The following ATG10 variants were observed in gnomAD, a reference collection of about 807,000 sequenced individuals.
ATG10 encodes autophagy related 10, also known as ubiquitin-like-conjugating enzyme ATG10.
ATG10 carries 30 observed loss-of-function variants against 32.1 expected under a neutral mutation model. The ratio of observed to expected loss-of-function variants is 0.94; its 90% CI spans 0.70 to 1.27. The LOEUF (loss-of-function observed/expected upper bound fraction) is 1.27, where lower values mean the gene tolerates loss of function less well. ATG10 is among the 50% of genes most tolerant of loss of function. The pLI is 0.00. For synonymous variants in ATG10, 87 were observed against 91.5 expected (o/e 0.95, Z 0.28); for missense variants, 233 against 262.3 (o/e 0.89, Z 0.77).
chr5:82,212,754 G>C (rs557567985), intron 5 of ATG10, among the ~76,000 whole-genome samples: 1 of 152,256 alleles, frequency 6.6e-6, no homozygotes, highest in Non-Finnish European at 1.5e-5. Flanking sequence ...CCCTTTGACT[G>C]GGCAGTCCCA....
intron 5 of ATG10, among the ~76,000 whole-genome samples, chr5:82,188,233 A>G (rs993113860): frequency 3.3e-5 from 5 of 152,226 alleles, no homozygotes; most frequent in African/African-American, 1.2e-4. Flanking sequence ...ATTTCACTAC[A>G]TAATAAAAAC....
At chr5:82,039,742 G>T (rs888839682) in intron 2 of ATG10, among the ~76,000 whole-genome samples, 1 of 152,208 alleles carries the variant, frequency 6.6e-6, no homozygotes, top group Non-Finnish European at 1.5e-5. Context: ...TCATGTTTCA[G>T]CTATGTCTTG....
chr5:82,034,079 A>G (rs933907405), intron 2 of ATG10, among the ~76,000 whole-genome samples: 5 of 150,448 alleles, frequency 3.3e-5, no homozygotes, highest in South Asian at 2.1e-4. Context: ...TTGTATGTGT[A>G]TATATATATC....
At chr5:82,230,657 G>A (rs190921030) in intron 5 of ATG10, among the ~76,000 whole-genome samples, 22 of 149,844 alleles carry the variant, frequency 1.5e-4, no homozygotes, top group East Asian at 1.2e-3. Context: ...CGCTTGAACC[G>A]GGGAGGCAGA....
At chr5:82,003,490 C>T (rs1028084419) in intron 2 of ATG10, among the ~76,000 whole-genome samples, 7 of 152,140 alleles carry the variant, frequency 4.6e-5, no homozygotes, top group Admixed American at 4.6e-4. Context: ...GACAAGTTAG[C>T]TAGTGTGGTC....
chr5:82,081,251 A>G (rs1260481158), intron 3 of ATG10, among the ~76,000 whole-genome samples: 2 of 152,142 alleles, frequency 1.3e-5, no homozygotes, highest in Admixed American at 6.6e-5. Context: ...GCTTAAGGAG[A>G]TTTTGGGCTG....
At chr5:81,996,362 C>A (rs1013422627) in intron 2 of ATG10, among the ~76,000 whole-genome samples, 1 of 152,154 alleles carries the variant, frequency 6.6e-6, no homozygotes, top group East Asian at 1.9e-4. Context: ...CTCAGCCTCC[C>A]CGAGTAGTTG....
chr5:82,139,953 TCC>T (rs1767006616), intron 3 of ATG10, among the ~76,000 whole-genome samples: 2 of 78,294 alleles, frequency 2.6e-5, no homozygotes, highest in Non-Finnish European at 5.2e-5. Context: ...GGGTCAGCCC[TCC>T]GCCCGGCCAG....
intron 3 of ATG10, among the ~76,000 whole-genome samples, chr5:82,102,617 A>G (rs1765316855): frequency 6.6e-6 from 1 of 152,200 alleles, no homozygotes; most frequent in South Asian, 2.1e-4. Flanking sequence ...ACAATGGCAA[A>G]CACTGTTGAG....
chr5:82,130,399 A>G (rs117598780), intron 3 of ATG10, among the ~76,000 whole-genome samples: 2 of 152,194 alleles, frequency 1.3e-5, no homozygotes, highest in East Asian at 3.9e-4. Context: ...TATTAAAAAA[A>G]AAGCCCTGCA....
chr5:82,012,297 T>G (rs143854292), intron 2 of ATG10, among the ~76,000 whole-genome samples: 1 of 152,392 alleles, frequency 6.6e-6, no homozygotes, highest in East Asian at 1.9e-4. Flanking sequence ...TTGTTCAGTT[T>G]CAAAGTTGTT....
intron 3 of ATG10, among the ~76,000 whole-genome samples, chr5:82,067,476 T>C (rs561766888): frequency 3.9e-5 from 6 of 152,294 alleles, no homozygotes; most frequent in African/African-American, 1.4e-4. Flanking sequence ...TAGGGGATCT[T>C]AAAGCAGTTT....
chr5:82,118,387 C>CATATATATATATATATATATATATATAT lies in ATG10; in HGVS notation c.217-45994_217-45993insATATATATATATATATATATATATATAT, dbSNP rs71605823. 7.2e-3 allele frequency among the ~76,000 whole-genome samples: 579 copies of CATATATATATATATATATATATATATAT among 80,436 alleles called. 18 individuals carry two copies. Among genetic ancestry groups the CATATATATATATATATATATATATATAT allele is most frequent in the African/African-American group, 0.01 (190 of 18,146 alleles). 52.8% of individuals were successfully genotyped at this position (80,436 alleles called of 152,430 possible). On this transcript the variant is annotated intron_variant, in intron 3 of 7. Transcript: ENST00000282185. Reference sequence around the variant, plus strand: ...TACAAATATACATATAATATATGTACATATATATATATATATATGTATGTA... The same window carrying CATATATATATATATATATATATATATAT: ...TACAAATATACATATAATATATGTACATATATATATATATATATATATATATATATATATATATATATATATGTATGTA...
chr5:82,105,162 TTACTG>T (rs1352418506), intron 3 of ATG10, among the ~76,000 whole-genome samples: 1 of 152,126 alleles, frequency 6.6e-6, no homozygotes, highest in Non-Finnish European at 1.5e-5. Context: ...GGTAAATTGA[TTACTG>T]TAAGGAATGC....
intron 3 of ATG10, among the ~76,000 whole-genome samples, chr5:82,110,003 A>T (rs537461511): frequency 1.4e-5 from 2 of 146,764 alleles, no homozygotes; most frequent in African/African-American, 5.0e-5. Context: ...CCTGTGTCCA[A>T]ATGTTCTCAT....
intron 3 of ATG10, among the ~76,000 whole-genome samples, chr5:82,133,741 T>A (rs552262033): frequency 5.9e-5 from 9 of 152,200 alleles, no homozygotes; most frequent in Non-Finnish European, 1.3e-4. Context: ...TTTAAAGTAG[T>A]TTTTTCTAAG....
chr5:82,020,490 G>A (rs190700922), intron 2 of ATG10, among the ~76,000 whole-genome samples: 1 of 152,296 alleles, frequency 6.6e-6, no homozygotes, highest in Non-Finnish European at 1.5e-5. Flanking sequence ...CATTCCAAAC[G>A]TAGTGACTTA....
Position 81,976,796 on chromosome 5 carries a change from G to A in ATG10, c.-13+4490G>A, listed in dbSNP as rs1360330108. 2.6e-5 allele frequency among the ~76,000 whole-genome samples: 4 copies of A among 152,130 alleles called. No homozygotes were observed. In the South Asian group the frequency reaches 6.2e-4, roughly 24 times the overall value. On this transcript the variant is annotated intron_variant, in intron 1 of 7. Transcript: ENST00000282185. Reference sequence around the variant, plus strand: ...TATTTATATCCTGCTCATGGTCATCGCCAAGGTCTGATTTTTCACAAAAAA... The same window carrying A: ...TATTTATATCCTGCTCATGGTCATCACCAAGGTCTGATTTTTCACAAAAAA...
chr5:82,219,730 A>G (rs1270989092), intron 5 of ATG10, among the ~76,000 whole-genome samples: 1 of 152,192 alleles, frequency 6.6e-6, no homozygotes, highest in East Asian at 1.9e-4. Flanking sequence ...CATTACTAAC[A>G]TTACTTTTAG....
Sources: allele counts gnomAD v4.1 joint callset (sites outside exome capture counted in the v4.1 genomes callset), GRCh38; gene constraint gnomAD v4.1.1; transcripts MANE v1.5; gene names NCBI Gene and HGNC (gene_info 2026-07-23, HGNC 2026-07-21).